Variants in GPX6 observed in about 807,000 individuals in gnomAD.
The protein encoded by GPX6 is glutathione peroxidase 6 (olfactory).
Under a neutral mutation model 20.0 loss-of-function variants are expected in GPX6, and 21 were observed. The ratio of observed to expected loss-of-function variants is 1.05; its 90% CI spans 0.74 to 1.51. The LOEUF is 1.51. Ranked by LOEUF, GPX6 falls within the 40% of genes most tolerant of loss-of-function variation. GPX6 has a pLI of 0.00. For missense variants in GPX6, 233 were observed against 254.7 expected (o/e 0.91, Z 0.58); for synonymous variants, 75 against 98.0 (o/e 0.77, Z 1.38).
chr6:28,504,856 G>A (rs1762793264), intron 4 of GPX6, among the ~76,000 whole-genome samples: 1 of 152,120 alleles, frequency 6.6e-6, no homozygotes. Context: ...GAAAAAAAAA[G>A]AGATTGATTT....
chr6:28,505,638 A>G, intron 4 of GPX6, 65 bp downstream of exon 4: 1 of 1,283,650 alleles, frequency 7.8e-7, no homozygotes. Flanking sequence ...AACCCTAGAC[A>G]TGAGCCCCAC....
rs749605431 is a variant in GPX6, at chr6:28,510,793, C to G, written c.199G>C (p.Val67Leu). Residue 67 changes from valine to leucine, a missense_variant, in exon 2 of 5, where the codon GTC becomes CTC. Val to Leu is a conservative substitution (Grantham distance 32). Coordinates refer to ENST00000361902, the MANE Select transcript of GPX6 (RefSeq NM_182701.1). ...AAGCCTCAATAGGCGGCCACATTGA[C>G]AAACAGGACGTGCTTGCCTGCAAAC... ...KQFAGKHVLF[V>L]NVAAYUGLAA... 1.1e-5 allele frequency: 17 copies of G among 1,613,988 alleles called. No homozygotes were observed. The African/African-American group carries it at 2.1e-4, about 20-fold the overall frequency.
At chr6:28,511,318 G>A (rs1005550045) in intron 1 of GPX6, among the ~76,000 whole-genome samples, 3 of 152,128 alleles carry the variant, frequency 2.0e-5, no homozygotes, top group African/African-American at 7.2e-5. Context: ...TTCTTATATT[G>A]TAATTCCTGT....
At chr6:28,508,079 T>C (rs1419898950) in intron 2 of GPX6, among the ~76,000 whole-genome samples, 2 of 152,240 alleles carry the variant, frequency 1.3e-5, no homozygotes, top group Non-Finnish European at 2.9e-5. Flanking sequence ...GAAGGGAACA[T>C]GGCAAGTGCC....
At chr6:28,512,816 C>T (rs1169861539) in intron 1 of GPX6, among the ~76,000 whole-genome samples, 1 of 152,098 alleles carries the variant, frequency 6.6e-6, no homozygotes, top group African/African-American at 2.4e-5. Context: ...TGAACAACTC[C>T]AGACGCGCTG....
intron 1 of GPX6, 140 bp downstream of exon 1, chr6:28,515,517 A>G: frequency 1.5e-6 from 1 of 664,304 alleles, no homozygotes; most frequent in Admixed American, 2.3e-5. Context: ...TAAGGATAGC[A>G]ATGTCAGGAT....
intron 1 of GPX6, among the ~76,000 whole-genome samples, chr6:28,512,099 G>A (rs546937347): frequency 1.1e-3 from 165 of 152,364 alleles, no homozygotes; most frequent in Non-Finnish European, 2.1e-3. Flanking sequence ...CGCGGCCCGA[G>A]CCTCCCCGAC....
intron 4 of GPX6, 32 bp from the exon 5 acceptor site, chr6:28,504,530 C>A: frequency 6.4e-7 from 1 of 1,563,274 alleles, no homozygotes; most frequent in Non-Finnish European, 8.8e-7. Context: ...TAGAGATATA[C>A]ATTTATTTCT....
chr6:28,512,204 C>T (rs1421928786), intron 1 of GPX6, among the ~76,000 whole-genome samples: 1 of 152,254 alleles, frequency 6.6e-6, no homozygotes, highest in East Asian at 1.9e-4. Flanking sequence ...GGCAGCTCGG[C>T]CTGCGGCCGT....
chr6:28,514,518 T>C (rs1216474114), intron 1 of GPX6, among the ~76,000 whole-genome samples: 4 of 152,248 alleles, frequency 2.6e-5, no homozygotes, highest in South Asian at 2.1e-4. Flanking sequence ...AGTAAGTAAG[T>C]AAGCTGTCTT....
chr6:28,510,959 A>G, intron 1 of GPX6, 55 bp from the exon 2 acceptor site: 2 of 1,486,940 alleles, frequency 1.3e-6, no homozygotes, highest in Non-Finnish European at 1.8e-6. Flanking sequence ...AATTCCCAAC[A>G]TTTGTGGACT....
intron 3 of GPX6, 36 bp downstream of exon 3, chr6:28,506,276 G>T: frequency 7.9e-7 from 1 of 1,266,318 alleles, no homozygotes; most frequent in South Asian, 1.2e-5. Context: ...TGGAAATCCC[G>T]ACAGGGCATC....
At chr6:28,514,810 A>C (rs1460810019) in intron 1 of GPX6, among the ~76,000 whole-genome samples, 1 of 152,240 alleles carries the variant, frequency 6.6e-6, no homozygotes, top group Admixed American at 6.5e-5. Context: ...AAAGGAACTA[A>C]CAAAAGATAT....
intron 2 of GPX6, among the ~76,000 whole-genome samples, chr6:28,506,871 C>T (rs1355794459): frequency 6.6e-6 from 1 of 152,130 alleles, no homozygotes; most frequent in Admixed American, 6.5e-5. Context: ...TCCTACCCAC[C>T]TATCCCTGCA....
intron 2 of GPX6, 87 bp downstream of exon 2, chr6:28,510,664 C>T: frequency 7.3e-7 from 1 of 1,374,952 alleles, no homozygotes; most frequent in Non-Finnish European, 1.0e-6. Context: ...TCGCATCCTC[C>T]AATAACACAT....
intron 1 of GPX6, among the ~76,000 whole-genome samples, chr6:28,512,025 C>T (rs1046476136): frequency 1.3e-5 from 2 of 152,242 alleles, no homozygotes; most frequent in African/African-American, 4.8e-5. Context: ...TGCCACCCCG[C>T]GGGGCAGGGC....
intron 1 of GPX6, among the ~76,000 whole-genome samples, chr6:28,512,773 A>T (rs1340796546): frequency 6.6e-6 from 1 of 152,070 alleles, no homozygotes; most frequent in Non-Finnish European, 1.5e-5. Flanking sequence ...TTCACTCCTG[A>T]AGCCAGCGAG....
chr6:28,506,198 C>T (rs1201154753), intron 3 of GPX6, 114 bp downstream of exon 3: 2 of 728,948 alleles, frequency 2.7e-6, no homozygotes, highest in African/African-American at 3.5e-5. Context: ...GGATATGCTT[C>T]AACCCATGTA....
intron 1 of GPX6, among the ~76,000 whole-genome samples, chr6:28,511,182 T>C (rs1326429728): frequency 6.6e-6 from 1 of 152,228 alleles, no homozygotes; most frequent in African/African-American, 2.4e-5. Flanking sequence ...CTCTGTTCCC[T>C]GACACTGCAT....
Sources: allele counts gnomAD v4.1 joint callset (sites outside exome capture counted in the v4.1 genomes callset), GRCh38; gene constraint gnomAD v4.1.1; transcripts MANE v1.5; gene names NCBI Gene and HGNC (gene_info 2026-07-23, HGNC 2026-07-21).